Variants in SRD5A3 observed in about 807,000 individuals in gnomAD.
SRD5A3 encodes the protein polyprenal reductase.
SRD5A3 carries 24 observed loss-of-function variants against 34.3 expected under a neutral mutation model. The observed-to-expected ratio is 0.70, with a 90% CI of 0.51 to 0.99. SRD5A3 has a LOEUF of 0.99. SRD5A3 is among the 50% of genes least tolerant of loss of function. The pLI, the probability that SRD5A3 is intolerant of heterozygous loss-of-function variation, is 0.00. For missense variants in SRD5A3, 350 were observed against 388.2 expected (o/e 0.90, Z 0.83); for synonymous variants, 161 against 167.3 (o/e 0.96, Z 0.29).
chr4:55,361,839 AAGGGT>A (rs1719698297), intron 2 of SRD5A3, among the ~76,000 whole-genome samples: 1 of 151,892 alleles, frequency 6.6e-6, no homozygotes, highest in Admixed American at 6.6e-5. Flanking sequence ...TCCTCTTTGG[AAGGGT>A]AGGCTACATC....
Position 55,370,005 on chromosome 4 carries a change from T to C in SRD5A3, c.871T>C (p.Ser291Pro). 6.2e-7 allele frequency: 1 copy of C among 1,614,182 alleles called. No individual in the cohort carries two copies. The highest frequency in any genetic ancestry group is 8.5e-7 in the Non-Finnish European group (1 of 1,180,032). Residue 291 changes from serine to proline, a missense_variant, in exon 5 of 5, where the codon TCT becomes CCT. By Grantham distance (74) the Ser-to-Pro change is moderately conservative. Coordinates refer to ENST00000264228, the MANE Select transcript of SRD5A3 (RefSeq NM_024592.5). ...AAATGTCTTCTTTAATCAGGCCCTG[T>C]CTGCCTTTCTCAGCCACCAATTCTA... ...VTNVFFNQAL[S>P]AFLSHQFYKS...
intron 1 of SRD5A3, chr4:55,352,271 TCTTTC>T: frequency 1.2e-6 from 1 of 851,498 alleles, no homozygotes; most frequent in Non-Finnish European, 2.1e-6. Context: ...GGGGAATTTC[TCTTTC>T]CTTTAACACG....
At chr4:55,353,949 A>G (rs771735341) in intron 1 of SRD5A3, among the ~76,000 whole-genome samples, 8 of 152,240 alleles carry the variant, frequency 5.3e-5, no homozygotes, top group African/African-American at 1.9e-4. Context: ...AATTCTGGAC[A>G]CAATAGCACC....
intron 3 of SRD5A3, chr4:55,364,785 GGAGCCATTTTGTTGCCGCTTAGTTCCTGT>G (rs1719820549): frequency 5.6e-6 from 1 of 179,966 alleles, no homozygotes; most frequent in Admixed American, 5.4e-5. Context: ...GAGGGGGTGG[GGAGCCATTTTGTTGCCGCTTAGTTCCTGT>G]GATTGTTCCC....
chr4:55,357,378 A>G (rs1412299976), intron 1 of SRD5A3, among the ~76,000 whole-genome samples: 2 of 152,230 alleles, frequency 1.3e-5, no homozygotes, highest in East Asian at 3.8e-4. Flanking sequence ...TTCAGAAGCT[A>G]TCCCTCCTGC....
chr4:55,367,357 A>G (rs1719939843), intron 3 of SRD5A3, among the ~76,000 whole-genome samples: 1 of 152,230 alleles, frequency 6.6e-6, no homozygotes, highest in Non-Finnish European at 1.5e-5. Context: ...TGAGGAACGT[A>G]TCTCCTTTGT....
At chr4:55,349,705 C>T (rs1036250250) in intron 1 of SRD5A3, among the ~76,000 whole-genome samples, 1 of 152,034 alleles carries the variant, frequency 6.6e-6, no homozygotes, top group African/African-American at 2.4e-5. Context: ...AAAATGATTC[C>T]AAATGGTATC....
At chr4:55,351,027 A>T (rs1328389600) in intron 1 of SRD5A3, among the ~76,000 whole-genome samples, 1 of 151,638 alleles carries the variant, frequency 6.6e-6, no homozygotes, top group African/African-American at 2.4e-5. Context: ...TGGCTTCCCA[A>T]AGTGTTGGGA....
At chr4:55,346,597 C>T (rs1008078810) in intron 1 of SRD5A3, 40 bp downstream of exon 1, 2 of 1,523,166 alleles carry the variant, frequency 1.3e-6, no homozygotes, top group Non-Finnish European at 1.8e-6. Context: ...GGTCAAGGCG[C>T]TGAGAGTTCG....
chr4:55,367,538 C>T (rs1183503296), intron 3 of SRD5A3, 50 bp from the exon 4 acceptor site: 4 of 1,606,888 alleles, frequency 2.5e-6, no homozygotes, highest in Non-Finnish European at 3.4e-6. Context: ...GTTTAATTCC[C>T]TGAGCCTGTG....
intron 3 of SRD5A3, chr4:55,365,470 T>G (rs1181459266): frequency 6.6e-6 from 1 of 152,292 alleles, no homozygotes; most frequent in Non-Finnish European, 1.5e-5. Context: ...CAGGCATGTC[T>G]GTGGTGGCAT....
At chr4:55,365,782 T>C (rs1165426756) in intron 3 of SRD5A3, 1 of 152,154 alleles carries the variant, frequency 6.6e-6, no homozygotes, top group Non-Finnish European at 1.5e-5. Context: ...TTTAGGACAA[T>C]ATGGGGAAAG....
rs887867488 is a variant in SRD5A3 at position 55,372,937 on chromosome 4, A to C, written c.*2846A>C. On this transcript the variant is annotated 3_prime_UTR_variant, in exon 5 of 5. Coordinates refer to ENST00000264228, the MANE Select transcript of SRD5A3 (RefSeq NM_024592.5). ...AGTGGTTATTGCTAGAATTCCTACA[A>C]AAAAAAAAAAAACCGTTGCAGATAT... is the stretch of plus-strand genomic sequence containing the variant. 13 of 23,002 alleles carry C rather than the reference A, an allele frequency of 5.7e-4. No individual in the cohort carries two copies. Among genetic ancestry groups the C allele is most frequent in the East Asian group, 1.6e-3 (1 of 608 alleles). 1.4% of individuals were successfully genotyped at this position (23,002 alleles called of 1,614,324 possible).
rs769885824 is a variant in SRD5A3 at position 55,370,054 on chromosome 4, C to G, written c.920C>G (p.Pro307Arg). The G allele has an allele frequency of 2.0e-5, 32 of 1,613,924 alleles. No homozygotes were observed. The highest frequency in any genetic ancestry group is 2.5e-5 in the Non-Finnish European group (30 of 1,180,040). ...QFYKSKFVSY[P>R]KHRKAFLPFL... ...TACAAAAGCAAATTTGTCTCTTACC[C>G]GAAGCATAGGAAAGCTTTCCTACCA... The change falls in exon 5 of 5, where the codon CCG (proline) becomes CGG (arginine). Residue 307 changes from proline to arginine, a missense_variant. Physicochemically the swap from Pro to Arg is moderately radical, Grantham distance 103 (BLOSUM62 -2). Around this residue, in one of 3 missense-constraint regions of SRD5A3, gnomAD observed 186 missense variants for 221.4 expected, o/e 0.84. Transcript: ENST00000264228.
In SRD5A3 at chr4:55,346,711, GGCCCCGGCCAT is replaced by G. The variant is rs1173761927; in HGVS notation, c.221+163_221+173del. ...GCGCAGCACGGCGCTCCCTCGGCCT[GGCCCCGGCCAT>G]GCCCCGGCTGCTGCGTGGCTCCGGG... On this transcript the variant is annotated intron_variant, in intron 1 of 4. Transcript: ENST00000264228. Among the ~76,000 whole-genome samples, 97 of 152,158 alleles carry G rather than the reference GGCCCCGGCCAT, an allele frequency of 6.4e-4. 1 individual carries two copies. The highest frequency in any genetic ancestry group is 2.3e-3 in the African/African-American group (95 of 41,536).
intron 1 of SRD5A3, among the ~76,000 whole-genome samples, chr4:55,348,048 A>AC (rs1440285994): frequency 1.3e-5 from 2 of 152,156 alleles, no homozygotes; most frequent in Non-Finnish European, 1.5e-5. Flanking sequence ...ACTTGCATAC[A>AC]CCCCAGCTGT....
intron 1 of SRD5A3, among the ~76,000 whole-genome samples, chr4:55,351,418 C>G (rs1719187443): frequency 6.6e-6 from 1 of 151,956 alleles, no homozygotes; most frequent in Non-Finnish European, 1.5e-5. Flanking sequence ...AAAACAGCAT[C>G]AAAAAGTGAG....
At chr4:55,353,434 C>T (rs934134817) in intron 1 of SRD5A3, among the ~76,000 whole-genome samples, 1 of 152,172 alleles carries the variant, frequency 6.6e-6, no homozygotes, top group Non-Finnish European at 1.5e-5. Context: ...GTAAAATGGA[C>T]CAATCAGCAC....
intron 1 of SRD5A3, among the ~76,000 whole-genome samples, chr4:55,353,275 C>G (rs1279328762): frequency 6.6e-6 from 1 of 152,138 alleles, no homozygotes; most frequent in Non-Finnish European, 1.5e-5. Flanking sequence ...TCTGTAAAAA[C>G]ACACAAATCA....
Sources: gnomAD v4.1 joint callset for allele counts (sites outside exome capture counted in the v4.1 genomes callset) on GRCh38, gnomAD v4.1.1 for gene constraint, gnomAD v4.1.1 regional missense constraint, MANE v1.5 for transcripts, NCBI Gene and HGNC (gene_info 2026-07-23, HGNC 2026-07-21) for gene names.